Variants in LTBP2 observed in about 807,000 individuals in gnomAD.
LTBP2 encodes latent-transforming growth factor beta-binding protein 2.
LTBP2 carries 103 observed loss-of-function variants against 210.6 expected under a neutral mutation model. The ratio of observed to expected loss-of-function variants is 0.49; its 90% CI spans 0.42 to 0.58. The LOEUF (loss-of-function observed/expected upper bound fraction) is 0.58. Among genes scored for constraint, LTBP2 ranks in the 20% least tolerant of loss-of-function variants. LTBP2 has a pLI of 0.00. For synonymous variants in LTBP2, 1,007 were observed against 1,015.0 expected, an observed-to-expected ratio of 0.99 and a Z score of 0.15; for missense variants, 2,313 against 2,494.5, an observed-to-expected ratio of 0.93 and a Z score of 1.55.
chr14:74,521,885 C>T, intron 17 of LTBP2, 26 bp downstream of exon 17: 1 of 1,613,570 alleles, frequency 6.2e-7, no homozygotes, highest in African/African-American at 1.3e-5. Flanking sequence ...GGGGCCTGGC[C>T]AAGGGCAAGG....
chr14:74,611,940 C>T lies in LTBP2; in HGVS notation c.5G>A (p.Arg2Lys), dbSNP rs2088620508. The T allele has an allele frequency of 2.5e-6, 4 of 1,578,514 alleles. No homozygotes were observed. Among genetic ancestry groups the T allele is most frequent in the Non-Finnish European group, 8.6e-7 (1 of 1,166,774 alleles). ...CGGGCTGCGGGCTTTGGTCCGCGGC[C>T]TCATGGCGCGGGGCGGCTGGAGAGT... M[R>K]PRTKARSPGR... The change falls in exon 1 of 36, where the codon AGG (arginine) becomes AAG (lysine). Residue 2 changes from arginine to lysine, a missense_variant. Arg to Lys is a conservative substitution (Grantham distance 26, BLOSUM62 2). Around this residue, in one of 3 missense-constraint regions of LTBP2, gnomAD observed 1,867 missense variants for 1,976.9 expected, o/e 0.94. Transcript: ENST00000261978.
intron 3 of LTBP2, among the ~76,000 whole-genome samples, chr14:74,568,452 T>C (rs1444139079): frequency 1.3e-5 from 2 of 150,722 alleles, no homozygotes; most frequent in East Asian, 3.9e-4. Flanking sequence ...GGGTGGGGAG[T>C]GCAGAGAGAG....
At chr14:74,568,066 C>G (rs373772128) in intron 3 of LTBP2, among the ~76,000 whole-genome samples, 4 of 152,274 alleles carry the variant, frequency 2.6e-5, no homozygotes. Context: ...CCGAGCATAC[C>G]TGGTGCCTTC....
intron 27 of LTBP2, 105 bp from the exon 28 acceptor site, chr14:74,506,296 G>A (rs867757111): frequency 6.9e-7 from 1 of 1,445,692 alleles, no homozygotes; most frequent in Non-Finnish European, 9.6e-7. Flanking sequence ...AGGCCTTGGG[G>A]AAGAAACAAG....
At chr14:74,574,004 C>T (rs931188469) in intron 3 of LTBP2, among the ~76,000 whole-genome samples, 3 of 152,100 alleles carry the variant, frequency 2.0e-5, no homozygotes, top group Non-Finnish European at 4.4e-5. Context: ...GCCACTGTGC[C>T]GAGCTGTCCC....
Position 74,505,092 on chromosome 14 carries a change from A to G in LTBP2, c.4260T>C (p.His1420=), listed in dbSNP as rs762286904. The G allele has an allele frequency of 1.2e-5, 20 of 1,614,018 alleles. No individual in the cohort carries two copies. The East Asian group carries it at 3.1e-4, about 25-fold the overall frequency. Residue 1420 remains histidine, a synonymous_variant, in exon 29 of 36, where the codon CAT becomes CAC. Coordinates refer to ENST00000261978, the MANE Select transcript of LTBP2 (RefSeq NM_000428.3). ...RMDCYSGQKG[H]APCSSVLGRN... is the part of the protein sequence containing the mutation. The stretch of plus-strand genomic sequence containing the variant: ...GGCCCAGGACACTGGAGCAGGGCGC[A>G]TGGCCCTTCTGCCCGGAGTAGCAGT...
At position 74,503,577 on chromosome 14, in the gene LTBP2, C is replaced by T. The variant is rs1222400031; in HGVS notation, c.4612G>A (p.Glu1538Lys). 1.9e-6 allele frequency: 3 copies of T among 1,613,778 alleles called. No individual in the cohort carries two copies. The highest frequency in any genetic ancestry group is 2.7e-5 in the African/African-American group (2 of 74,932). ...TCCGTGTTGACGCACTCGCCATTCT[C>T]ACAGGCCAGGTCCTGGCACTCATCG... ...DHDECQDLACENGECVNTEGS... is the reference protein window; with the variant it reads ...DHDECQDLACKNGECVNTEGS... Residue 1538 changes from glutamate to lysine, a missense_variant, in exon 32 of 36, where the codon GAG becomes AAG. By Grantham distance (56) the Glu-to-Lys change is moderately conservative. Coordinates refer to ENST00000261978, the MANE Select transcript of LTBP2 (RefSeq NM_000428.3).
At chr14:74,512,599 G>T (rs928455856) in intron 18 of LTBP2, among the ~76,000 whole-genome samples, 2 of 152,180 alleles carry the variant, frequency 1.3e-5, no homozygotes, top group African/African-American at 4.8e-5. Context: ...AGGACACATC[G>T]AAGCCCTCTG....
intron 3 of LTBP2, among the ~76,000 whole-genome samples, chr14:74,570,061 CAGGGCCT>C (rs1408287944): frequency 2.6e-5 from 4 of 152,148 alleles, no homozygotes; most frequent in African/African-American, 9.7e-5. Flanking sequence ...AAATGCAAGG[CAGGGCCT>C]AGGGACCTGG....
intron 3 of LTBP2, among the ~76,000 whole-genome samples, chr14:74,583,463 A>T (rs2088163664): frequency 6.6e-6 from 1 of 152,242 alleles, no homozygotes; most frequent in Non-Finnish European, 1.5e-5. Context: ...ATTTCATGGC[A>T]TTGAGGCCCC....
intron 4 of LTBP2, among the ~76,000 whole-genome samples, chr14:74,553,350 A>G (rs2087685878): frequency 6.6e-6 from 1 of 152,170 alleles, no homozygotes; most frequent in Admixed American, 6.5e-5. Flanking sequence ...CCTATGGCTG[A>G]GTGTTGGTAT....
At chr14:74,596,999 C>G (rs2088375020) in intron 2 of LTBP2, among the ~76,000 whole-genome samples, 1 of 152,084 alleles carries the variant, frequency 6.6e-6, no homozygotes, top group Non-Finnish European at 1.5e-5. Context: ...GTCATTGGCC[C>G]GGAGATGATG....
At chr14:74,571,187 C>T (rs1427600077) in intron 3 of LTBP2, among the ~76,000 whole-genome samples, 1 of 152,110 alleles carries the variant, frequency 6.6e-6, no homozygotes, top group African/African-American at 2.4e-5. Flanking sequence ...CAAAAATTAG[C>T]TGAGCATGGT....
chr14:74,543,796 C>T (rs1380652145), intron 8 of LTBP2, among the ~76,000 whole-genome samples: 1 of 152,210 alleles, frequency 6.6e-6, no homozygotes, highest in Non-Finnish European at 1.5e-5. Flanking sequence ...ATTCAGATTT[C>T]CCTCCTTGGT....
At chr14:74,580,585 T>G (rs4903245) in intron 3 of LTBP2, among the ~76,000 whole-genome samples, 90,322 of 152,040 alleles carry the variant, frequency 0.59, 27,084 homozygotes, top group Admixed American at 0.67. Flanking sequence ...CTGCCACCTT[T>G]ATTTTTGGAC....
intron 3 of LTBP2, among the ~76,000 whole-genome samples, chr14:74,556,752 A>G (rs1282474597): frequency 6.6e-6 from 1 of 152,190 alleles, no homozygotes; most frequent in Non-Finnish European, 1.5e-5. Context: ...TCCTGGCCTC[A>G]GGTGATCCGC....
At chr14:74,570,703 A>C (rs528677537) in intron 3 of LTBP2, among the ~76,000 whole-genome samples, 32 of 152,310 alleles carry the variant, frequency 2.1e-4, no homozygotes, top group African/African-American at 7.2e-4. Context: ...ACAGAAGAGA[A>C]AACTGAAGCA....
chr14:74,534,800 A>T (rs1338250260), intron 9 of LTBP2, among the ~76,000 whole-genome samples: 1 of 152,094 alleles, frequency 6.6e-6, no homozygotes, highest in Non-Finnish European at 1.5e-5. Context: ...CCCTTCGCAG[A>T]CACAGAGACC....
At chr14:74,575,185 C>T (rs1331572427) in intron 3 of LTBP2, among the ~76,000 whole-genome samples, 2 of 152,208 alleles carry the variant, frequency 1.3e-5, no homozygotes, top group Non-Finnish European at 2.9e-5. Flanking sequence ...TTTTTATCAT[C>T]CCACACCTGT....
Sources: gnomAD v4.1 joint callset for allele counts (sites outside exome capture counted in the v4.1 genomes callset) on GRCh38, gnomAD v4.1.1 for gene constraint, gnomAD v4.1.1 regional missense constraint, MANE v1.5 for transcripts, NCBI Gene and HGNC (gene_info 2026-07-23, HGNC 2026-07-21) for gene names.